DZANK1: variants seen among roughly 807,000 people sequenced by gnomAD.
The protein encoded by DZANK1 is double zinc ribbon and ankyrin repeat-containing protein 1.
Under a neutral mutation model 94.5 loss-of-function variants are expected in DZANK1, and 91 were observed. The observed-to-expected ratio is 0.96, with a 90% confidence interval of 0.81 to 1.15. DZANK1 has a LOEUF of 1.15. Ranked by LOEUF, DZANK1 falls within the 50% of genes most tolerant of loss-of-function variation. DZANK1 has a pLI of 0.00. For missense variants in DZANK1, 903 were observed against 916.4 expected, an observed-to-expected ratio of 0.99 and a Z score of 0.19; for synonymous variants, 312 against 325.3, an observed-to-expected ratio of 0.96 and a Z score of 0.44.
At chr20:18,455,452 A>C (rs2059254146) in intron 3 of DZANK1, 91 bp from the exon 4 acceptor site, 8 of 789,080 alleles carry the variant, frequency 1.0e-5, no homozygotes, top group African/African-American at 1.8e-5. Flanking sequence ...AAAGTGCCTT[A>C]GTCTAGCTAC....
At chr20:18,398,826 T>C (rs1044490635) in intron 13 of DZANK1, among the ~76,000 whole-genome samples, 200 bp from the exon 14 acceptor site, 1 of 152,204 alleles carries the variant, frequency 6.6e-6, no homozygotes, top group Non-Finnish European at 1.5e-5. Flanking sequence ...TAATTAATCA[T>C]AGACTATTAT....
intron 8 of DZANK1, among the ~76,000 whole-genome samples, chr20:18,434,387 A>G (rs2058428148): frequency 6.6e-6 from 1 of 151,922 alleles, no homozygotes; most frequent in African/African-American, 2.4e-5. Context: ...TCTACTAAAA[A>G]TACAAAAATT....
intron 8 of DZANK1, among the ~76,000 whole-genome samples, chr20:18,437,199 A>C (rs185503592): frequency 6.6e-6 from 1 of 152,320 alleles, no homozygotes; most frequent in Admixed American, 6.5e-5. Context: ...CGCATTTTTC[A>C]GTTTATAACA....
chr20:18,443,500 G>A lies in DZANK1; in HGVS notation c.630-36C>T. On this transcript the variant is annotated intron_variant, in intron 7 of 20. Coordinates refer to ENST00000262547, the Ensembl canonical transcript of DZANK1. ...ACAGGTTCCCGATTGGCCATGTTCT[G>A]GTGGGCCCACATTAAGAAGACTGAT... is the stretch of plus-strand genomic sequence containing the variant. The A allele has an allele frequency of 6.6e-6, 8 of 1,206,472 alleles. No individual in the cohort carries two copies. The Middle Eastern group carries it at 1.6e-3, about 242-fold the overall frequency. The allele number at this position is 1,206,472 out of a possible 1,614,324, so 74.7% of individuals were successfully genotyped here.
At chr20:18,407,151 C>T (rs2057004666) in intron 13 of DZANK1, among the ~76,000 whole-genome samples, 1 of 152,250 alleles carries the variant, frequency 6.6e-6, no homozygotes, top group Admixed American at 6.5e-5. Context: ...GGACCTTGGG[C>T]AAGGCCCAGT....
chr20:18,425,890 G>C (rs1048278150), intron 10 of DZANK1, among the ~76,000 whole-genome samples: 1 of 152,220 alleles, frequency 6.6e-6, no homozygotes, highest in East Asian at 1.9e-4. Flanking sequence ...TGGGAGAGAA[G>C]ATGAAACTGT....
intron 13 of DZANK1, among the ~76,000 whole-genome samples, chr20:18,409,402 G>C (rs1256050186): frequency 6.6e-6 from 1 of 152,144 alleles, no homozygotes; most frequent in African/African-American, 2.4e-5. Flanking sequence ...CGTATTCAAA[G>C]TGTTCAAAGA....
At chr20:18,414,596 T>A (rs1471050983) in intron 11 of DZANK1, 84 bp from the exon 12 acceptor site, 2 of 1,452,830 alleles carry the variant, frequency 1.4e-6, no homozygotes, top group Non-Finnish European at 1.9e-6. Flanking sequence ...AATTAACATA[T>A]GCCCAGACTC....
intron 10 of DZANK1, among the ~76,000 whole-genome samples, chr20:18,424,218 G>A (rs1465649715): frequency 6.6e-6 from 1 of 152,208 alleles, no homozygotes; most frequent in African/African-American, 2.4e-5. Context: ...GGGAGGCCAA[G>A]GCGGGTGGAT....
At chr20:18,398,742 A>G (rs1391923187) in intron 13 of DZANK1, 116 bp from the exon 14 acceptor site, 2 of 1,013,526 alleles carry the variant, frequency 2.0e-6, no homozygotes, top group African/African-American at 1.6e-5. Flanking sequence ...AAACTTTGTG[A>G]TGGACTTTCC....
intron 6 of DZANK1, among the ~76,000 whole-genome samples, chr20:18,450,213 AAT>A (rs1157283904): frequency 6.6e-6 from 1 of 152,246 alleles, no homozygotes; most frequent in East Asian, 1.9e-4. Flanking sequence ...TCCTGCAGGC[AAT>A]AGAGAGCAGT....
rs781409664 is a variant in DZANK1 at position 18,455,237 on chromosome 20, C to T, written c.378+10G>A. The T allele has an allele frequency of 8.9e-6, 14 of 1,580,598 alleles. No individual in the cohort carries two copies. Among genetic ancestry groups the T allele is most frequent in the Non-Finnish European group, 7.8e-6 (9 of 1,159,270 alleles). ...TGACAATCTGAATGGATTATAGTTTCATTACTTGCCTGCCTTGAAGAATCT... is the reference window on the plus strand; with the variant it reads ...TGACAATCTGAATGGATTATAGTTTTATTACTTGCCTGCCTTGAAGAATCT... On this transcript the variant is annotated intron_variant, in intron 4 of 20. Coordinates refer to ENST00000262547, the Ensembl canonical transcript of DZANK1.
intron 13 of DZANK1, among the ~76,000 whole-genome samples, chr20:18,406,178 T>G (rs1186504725): frequency 6.6e-6 from 1 of 152,190 alleles, no homozygotes; most frequent in Non-Finnish European, 1.5e-5. Context: ...TCAGAGGCAG[T>G]AAACTCGGGT....
intron 8 of DZANK1, among the ~76,000 whole-genome samples, chr20:18,438,218 CAAAAAAAAAA>C (rs761846698): frequency 5.2e-4 from 30 of 57,752 alleles, no homozygotes; most frequent in South Asian, 3.5e-3. Context: ...GACTCTGTCT[CAAAAAAAAAA>C]AAAAAAAAAA....
At chr20:18,423,811 TTA>T (rs2057905749) in intron 10 of DZANK1, among the ~76,000 whole-genome samples, 5 of 152,060 alleles carry the variant, frequency 3.3e-5, no homozygotes, top group Admixed American at 3.3e-4. Context: ...TCTTAGAAAT[TTA>T]TAGTTTGTGT....
At chr20:18,438,342 A>C (rs2058611192) in intron 8 of DZANK1, among the ~76,000 whole-genome samples, 1 of 152,194 alleles carries the variant, frequency 6.6e-6, no homozygotes, top group Non-Finnish European at 1.5e-5. Flanking sequence ...AACCACATCA[A>C]TAATGACATT....
chr20:18,465,829 C>G (rs2059629397), intron 1 of DZANK1, among the ~76,000 whole-genome samples: 1 of 152,156 alleles, frequency 6.6e-6, no homozygotes, highest in African/African-American at 2.4e-5. Flanking sequence ...TTAGAGCTAA[C>G]TTTTTTGGGA....
chr20:18,403,796 CTTTTTTTT>C (rs35824877), intron 13 of DZANK1, among the ~76,000 whole-genome samples: 3 of 111,740 alleles, frequency 2.7e-5, no homozygotes, highest in South Asian at 6.0e-4. Flanking sequence ...AACTTTCTTT[CTTTTTTTT>C]TTTTTTTTTT....
At chr20:18,433,495 T>C (rs772123565) in intron 9 of DZANK1, 157 bp downstream of exon 9, 25 of 620,864 alleles carry the variant, frequency 4.0e-5, no homozygotes, top group Middle Eastern at 4.3e-4. Flanking sequence ...TGAGCTGAGA[T>C]TGCGCTACTG....
Sources: allele counts gnomAD v4.1 joint callset (sites outside exome capture counted in the v4.1 genomes callset), GRCh38; gene constraint gnomAD v4.1.1; transcripts MANE v1.5; gene names NCBI Gene and HGNC (gene_info 2026-07-23, HGNC 2026-07-21).